SNTG1: variants seen among roughly 807,000 people sequenced by gnomAD.
SNTG1 encodes syntrophin gamma 1, also known as gamma-1-syntrophin.
SNTG1 carries 39 observed loss-of-function variants against 74.7 expected under a neutral mutation model. The observed-to-expected ratio is 0.52, with a 90% CI of 0.40 to 0.68. SNTG1 has a LOEUF of 0.68. Among genes scored for constraint, SNTG1 ranks in the 30% least tolerant of loss-of-function variants. The probability of loss-of-function intolerance (pLI) is 0.00; values close to 1 mark genes in which losing one functional copy is unlikely to be tolerated. For synonymous variants in SNTG1, 254 were observed against 217.1 expected (o/e 1.17, Z -1.49); for missense variants, 685 against 609.5 (o/e 1.12, Z -1.30).
At chr8:50,678,857 G>C (rs2095319958) in intron 15 of SNTG1, among the ~76,000 whole-genome samples, 1 of 152,034 alleles carries the variant, frequency 6.6e-6, no homozygotes, top group Admixed American at 6.6e-5. Context: ...GAGTAGTTGA[G>C]AGAGAAATAA....
intron 2 of SNTG1, among the ~76,000 whole-genome samples, chr8:50,194,619 CT>C (rs2131805830): frequency 6.6e-6 from 1 of 152,110 alleles, no homozygotes; most frequent in East Asian, 1.9e-4. Context: ...AAAGAACCAG[CT>C]TTTTGTTTCA....
rs1168543435 is a variant in SNTG1 at position 50,502,840 on chromosome 8, A to T, written c.426A>T (p.Ala142=). 6.2e-7 allele frequency: 1 copy of T among 1,613,494 alleles called. No homozygotes were observed. Among genetic ancestry groups the T allele is most frequent in the African/African-American group, 1.3e-5 (1 of 75,034 alleles). Residue 142 remains alanine (A), a synonymous_variant, in exon 9 of 19, where the codon GCA becomes GCT. Coordinates refer to ENST00000642720, the MANE Select transcript of SNTG1 (RefSeq NM_018967.5). Reference sequence around the variant, plus strand: ...TAACAGTGTCATTTTTAAAAAGAGCACCTGCTTTCCTCAAACTCCCATTGA... The same window carrying T: ...TAACAGTGTCATTTTTAAAAAGAGCTCCTGCTTTCCTCAAACTCCCATTGA... ...VTLTVSFLKR[A]PAFLKLPLNE...
At position 50,792,966 on chromosome 8, in the gene SNTG1, G is replaced by T; in HGVS notation, c.*137G>T. 1.1e-6 allele frequency: 1 copy of T among 911,406 alleles called. No individual in the cohort carries two copies. Among genetic ancestry groups the T allele is most frequent in the Non-Finnish European group, 1.6e-6 (1 of 635,884 alleles). The allele number at this position is 911,406 out of a possible 1,614,324, so 56.5% of individuals were successfully genotyped here. A position where few individuals can be genotyped will look rare whatever the true frequency, so the allele number is the denominator to read the frequency against. Reference sequence around the variant, plus strand: ...ATCAAAATTTCGGCAGAAAAAGAAGGTCATGTGGAACCTCAAAAACACTTC... The same window carrying T: ...ATCAAAATTTCGGCAGAAAAAGAAGTTCATGTGGAACCTCAAAAACACTTC... On this transcript the variant is annotated 3_prime_UTR_variant, in exon 19 of 19. Transcript: ENST00000642720.
chr8:50,345,821 T>G (rs2091456531), intron 2 of SNTG1, among the ~76,000 whole-genome samples: 1 of 152,250 alleles, frequency 6.6e-6, no homozygotes, highest in African/African-American at 2.4e-5. Context: ...CTCCAAGTAT[T>G]CTTTTTGGTT....
intron 18 of SNTG1, among the ~76,000 whole-genome samples, chr8:50,761,211 T>C (rs2095597875): frequency 6.6e-6 from 1 of 151,992 alleles, no homozygotes; most frequent in African/African-American, 2.4e-5. Flanking sequence ...TCAAGGCTGT[T>C]TCAACATACA....
intron 13 of SNTG1, among the ~76,000 whole-genome samples, chr8:50,641,071 T>A (rs2095069625): frequency 1.3e-5 from 2 of 152,178 alleles, no homozygotes; most frequent in Admixed American, 6.5e-5. Flanking sequence ...ACTCCAACTT[T>A]CCTTCTGCTA....
chr8:50,072,837 G>A lies in SNTG1; in HGVS notation c.-102-99724G>A, dbSNP rs570453566. Reference sequence around the variant, plus strand: ...ATTTTAGTTTCCTAGTGCATATTCCGGTTTAACTGCAGTGTACTAAGTGTA... The same window carrying A: ...ATTTTAGTTTCCTAGTGCATATTCCAGTTTAACTGCAGTGTACTAAGTGTA... On this transcript the variant is annotated intron_variant, in intron 1 of 18. Transcript: ENST00000642720. 5.9e-5 allele frequency among the ~76,000 whole-genome samples: 9 copies of A among 152,216 alleles called. No individual in the cohort carries two copies. The East Asian group carries it at 7.7e-4, about 13-fold the overall frequency.
At chr8:50,726,743 G>A (rs953159455) in intron 17 of SNTG1, among the ~76,000 whole-genome samples, 5 of 152,122 alleles carry the variant, frequency 3.3e-5, no homozygotes, top group Non-Finnish European at 7.4e-5. Flanking sequence ...CAGCTACTGA[G>A]GAGGCTGAAG....
At chr8:50,668,612 C>A (rs1168543980) in intron 15 of SNTG1, among the ~76,000 whole-genome samples, 1 of 151,352 alleles carries the variant, frequency 6.6e-6, no homozygotes, top group Non-Finnish European at 1.5e-5. Flanking sequence ...ATGGTGATTT[C>A]CTGCACCTAT....
chr8:49,963,316 A>G (rs1810860328), intron 1 of SNTG1, among the ~76,000 whole-genome samples: 1 of 152,134 alleles, frequency 6.6e-6, no homozygotes, highest in Non-Finnish European at 1.5e-5. Flanking sequence ...GAGATCAGAA[A>G]CTAGTGTTGG....
At chr8:50,044,066 T>A (rs533706269) in intron 1 of SNTG1, among the ~76,000 whole-genome samples, 1 of 152,274 alleles carries the variant, frequency 6.6e-6, no homozygotes, top group South Asian at 2.1e-4. Context: ...CTAAAAAAAA[T>A]TTCTGAAAAA....
intron 8 of SNTG1, among the ~76,000 whole-genome samples, chr8:50,474,048 G>A (rs2131768068): frequency 6.6e-6 from 1 of 151,932 alleles, no homozygotes; most frequent in Admixed American, 6.6e-5. Flanking sequence ...TTTTAGAGTT[G>A]AAAACATTGT....
intron 3 of SNTG1, among the ~76,000 whole-genome samples, chr8:50,400,979 G>A (rs561004492): frequency 4.7e-4 from 72 of 152,090 alleles, no homozygotes; most frequent in Middle Eastern, 3.4e-3. Context: ...TATATTATTA[G>A]TGTTTAAAGT....
intron 2 of SNTG1, among the ~76,000 whole-genome samples, chr8:50,190,651 G>A (rs184675803): frequency 4.5e-4 from 68 of 152,052 alleles, no homozygotes; most frequent in Non-Finnish European, 8.2e-4. Context: ...TTAAGTGTTT[G>A]CTAGTGCCTT....
At chr8:50,509,524 G>A (rs1357389211) in intron 9 of SNTG1, among the ~76,000 whole-genome samples, 2 of 152,030 alleles carry the variant, frequency 1.3e-5, no homozygotes, top group Admixed American at 6.6e-5. Flanking sequence ...CCATTTTCAC[G>A]ATATTGATTC....
intron 2 of SNTG1, among the ~76,000 whole-genome samples, chr8:50,189,111 A>G (rs972546060): frequency 1.3e-5 from 2 of 152,152 alleles, no homozygotes; most frequent in African/African-American, 4.8e-5. Flanking sequence ...TGGAAAAACA[A>G]CAACTTATCC....
intron 15 of SNTG1, among the ~76,000 whole-genome samples, chr8:50,688,864 C>T (rs1317610253): frequency 6.6e-5 from 10 of 151,896 alleles, no homozygotes; most frequent in East Asian, 3.9e-4. Flanking sequence ...GCCATTTTCA[C>T]GATATTGATT....
chr8:50,277,030 G>C (rs1407889704), intron 2 of SNTG1, among the ~76,000 whole-genome samples: 1 of 151,996 alleles, frequency 6.6e-6, no homozygotes, highest in Non-Finnish European at 1.5e-5. Context: ...GGGTTTCACT[G>C]AATTAGCCAG....
At chr8:50,631,762 A>G (rs2094999418) in intron 13 of SNTG1, among the ~76,000 whole-genome samples, 1 of 152,214 alleles carries the variant, frequency 6.6e-6, no homozygotes, top group Non-Finnish European at 1.5e-5. Flanking sequence ...TTTGTTCTAC[A>G]GAAAAGCACA....
Sources: gnomAD v4.1 joint callset for allele counts (sites outside exome capture counted in the v4.1 genomes callset) on GRCh38, gnomAD v4.1.1 for gene constraint, MANE v1.5 for transcripts, NCBI Gene and HGNC (gene_info 2026-07-23, HGNC 2026-07-21) for gene names.